Variants in FGF12 observed in about 807,000 individuals in gnomAD.
FGF12 encodes fibroblast growth factor 12B.
In FGF12, 14 loss-of-function variants were observed where a neutral mutation model predicts 23.6. The ratio of observed to expected loss-of-function variants is 0.59; its 90% CI spans 0.39 to 0.93. FGF12 has a LOEUF of 0.93. Ranked by LOEUF, FGF12 falls within the 40% of genes least tolerant of loss-of-function variation. The pLI, the probability that FGF12 is intolerant of heterozygous loss-of-function variation, is 0.00. For synonymous variants in FGF12, 62 were observed against 77.3 expected (o/e 0.80, Z 1.04); for missense variants, 175 against 217.8 (o/e 0.80, Z 1.24).
chr3:192,230,088 G>C (rs1193783339), intron 4 of FGF12, among the ~76,000 whole-genome samples: 2 of 152,066 alleles, frequency 1.3e-5, no homozygotes, highest in Non-Finnish European at 2.9e-5. Context: ...CTGATCCAAA[G>C]AATCTCAGAC....
At chr3:192,195,165 C>G (rs1487879919) in intron 4 of FGF12, among the ~76,000 whole-genome samples, 1 of 151,976 alleles carries the variant, frequency 6.6e-6, no homozygotes, top group Non-Finnish European at 1.5e-5. Flanking sequence ...GAAGTGGGAA[C>G]AAAACAAATT....
chr3:192,581,626 C>G (rs1180215132), intron 2 of FGF12, among the ~76,000 whole-genome samples: 1 of 151,796 alleles, frequency 6.6e-6, no homozygotes, highest in African/African-American at 2.4e-5. Flanking sequence ...TCTTTCCTTC[C>G]ATTGAAATAT....
In FGF12 at chr3:192,420,747, C is replaced by T. The variant is rs76899996; in HGVS notation, c.14-60209G>A. 6.2e-3 allele frequency among the ~76,000 whole-genome samples: 940 copies of T among 152,238 alleles called. 8 individuals carry two copies. The highest frequency in any genetic ancestry group is 0.02 in the African/African-American group (828 of 41,550). On this transcript the variant is annotated intron_variant, in intron 2 of 5. Coordinates refer to ENST00000445105, the MANE Select transcript of FGF12 (RefSeq NM_004113.6). ...CTACAGAATCACAAGCCAAATAAACCTCTTTTCTTTATAAATGCCCAACCT... is the reference window on the plus strand; with the variant it reads ...CTACAGAATCACAAGCCAAATAAACTTCTTTTCTTTATAAATGCCCAACCT...
At chr3:192,247,493 G>A (rs115479235) in intron 4 of FGF12, among the ~76,000 whole-genome samples, 182 of 152,272 alleles carry the variant, frequency 1.2e-3, no homozygotes, top group African/African-American at 4.1e-3. Context: ...TTAAAGGTCA[G>A]CCAACTTGCA....
At chr3:192,704,822 C>G (rs1269737526) in intron 2 of FGF12, among the ~76,000 whole-genome samples, 8 of 152,220 alleles carry the variant, frequency 5.3e-5, no homozygotes, top group Admixed American at 4.6e-4. Flanking sequence ...TTTTGTATAA[C>G]TTGCTGCAGC....
intron 2 of FGF12, among the ~76,000 whole-genome samples, chr3:192,407,781 A>C (rs73064252): frequency 3.9e-4 from 59 of 152,338 alleles, no homozygotes; most frequent in African/African-American, 1.3e-3. Context: ...GAATAAGTGC[A>C]TCTATACATG....
chr3:192,394,960 T>A (rs1186540898), intron 2 of FGF12, among the ~76,000 whole-genome samples: 1 of 152,082 alleles, frequency 6.6e-6, no homozygotes, highest in Non-Finnish European at 1.5e-5. Context: ...GAACCCAGAG[T>A]GAATATGTTC....
intron 2 of FGF12, among the ~76,000 whole-genome samples, chr3:192,413,993 CA>C (rs1323937241): frequency 6.6e-6 from 1 of 152,034 alleles, no homozygotes; most frequent in African/African-American, 2.4e-5. Context: ...CAAATTTATT[CA>C]TGGTGCTTTA....
chr3:192,562,014 A>C (rs1195097830), intron 2 of FGF12, among the ~76,000 whole-genome samples: 1 of 152,140 alleles, frequency 6.6e-6, no homozygotes, highest in Non-Finnish European at 1.5e-5. Flanking sequence ...TGTCTACCAA[A>C]ATAAAAACAA....
intron 2 of FGF12, among the ~76,000 whole-genome samples, chr3:192,397,347 T>C (rs528667803): frequency 2.6e-5 from 4 of 152,250 alleles, no homozygotes; most frequent in South Asian, 2.1e-4. Flanking sequence ...GAAAAGAAAA[T>C]AGATCTCCAG....
intron 2 of FGF12, among the ~76,000 whole-genome samples, chr3:192,562,392 A>G (rs1204360404): frequency 6.6e-6 from 1 of 152,236 alleles, no homozygotes; most frequent in East Asian, 1.9e-4. Flanking sequence ...TAAATTTTTA[A>G]TTAGACAATA....
At chr3:192,321,725 C>G (rs1460738021) in intron 4 of FGF12, among the ~76,000 whole-genome samples, 1 of 152,058 alleles carries the variant, frequency 6.6e-6, no homozygotes, top group African/African-American at 2.4e-5. Context: ...ATCATATAAT[C>G]TTTGTAATTG....
At chr3:192,708,295 G>T (rs1338131662) in intron 2 of FGF12, among the ~76,000 whole-genome samples, 1 of 152,136 alleles carries the variant, frequency 6.6e-6, no homozygotes, top group African/African-American at 2.4e-5. Flanking sequence ...TAACAGCCTA[G>T]GGTGAGAGAT....
chr3:192,243,990 CATAA>C (rs1719754477), intron 4 of FGF12, among the ~76,000 whole-genome samples: 2 of 152,018 alleles, frequency 1.3e-5, no homozygotes, highest in Non-Finnish European at 2.9e-5. Flanking sequence ...AACCACATAT[CATAA>C]ATAAAGTAAA....
intron 2 of FGF12, among the ~76,000 whole-genome samples, chr3:192,682,974 G>A (rs1433151896): frequency 3.3e-5 from 5 of 152,222 alleles, no homozygotes; most frequent in African/African-American, 7.2e-5. Context: ...CTGTCATGGG[G>A]AGAGGGCATA....
intron 2 of FGF12, among the ~76,000 whole-genome samples, chr3:192,456,049 C>G (rs142136909): frequency 2.2e-3 from 330 of 152,236 alleles, no homozygotes; most frequent in African/African-American, 7.6e-3. Context: ...CTCACATTAC[C>G]TAAACTCTGA....
intron 2 of FGF12, among the ~76,000 whole-genome samples, chr3:192,646,288 G>A (rs1445335450): frequency 2.0e-5 from 3 of 152,006 alleles, no homozygotes; most frequent in African/African-American, 7.2e-5. Flanking sequence ...GGCAGGGGAA[G>A]TAAAGCCTAC....
At chr3:192,700,744 G>A (rs921764948) in intron 2 of FGF12, among the ~76,000 whole-genome samples, 7 of 152,040 alleles carry the variant, frequency 4.6e-5, no homozygotes, top group Admixed American at 4.6e-4. Flanking sequence ...GGAAGAGGGG[G>A]GTCGGACATG....
At chr3:192,210,913 C>T (rs144985644) in intron 4 of FGF12, among the ~76,000 whole-genome samples, 66 of 152,082 alleles carry the variant, frequency 4.3e-4, no homozygotes, top group African/African-American at 1.4e-3. Flanking sequence ...CTGGAGGCAA[C>T]GAGAAGAACA....
Sources: allele counts gnomAD v4.1 joint callset (sites outside exome capture counted in the v4.1 genomes callset), GRCh38; gene constraint gnomAD v4.1.1; transcripts MANE v1.5; gene names NCBI Gene and HGNC (gene_info 2026-07-23, HGNC 2026-07-21).